KLHL1: variants seen among roughly 807,000 people sequenced by gnomAD.
KLHL1 encodes kelch like family member 1.
KLHL1 carries 47 observed loss-of-function variants against 77.7 expected under a neutral mutation model. That is an observed-to-expected ratio of 0.60 (90% CI 0.48 to 0.77). KLHL1 has a LOEUF of 0.77. Among genes scored for constraint, KLHL1 ranks in the 30% least tolerant of loss-of-function variants. The probability of loss-of-function intolerance (pLI) is 0.00; values close to 1 mark genes in which losing one functional copy is unlikely to be tolerated. For synonymous variants in KLHL1, 360 were observed against 325.2 expected (o/e 1.11, Z -1.15); for missense variants, 925 against 910.8 (o/e 1.02, Z -0.20).
At position 69,997,952 on chromosome 13, in the gene KLHL1, T is replaced by C. The variant is rs182414612; in HGVS notation, c.498-22150A>G. ...GTCTCTTCGAGATCCTGATTTCAATTCTTTTGGATATATACACAGAAGTGG... is the reference window on the plus strand; with the variant it reads ...GTCTCTTCGAGATCCTGATTTCAATCCTTTTGGATATATACACAGAAGTGG... On this transcript the variant is annotated intron_variant, in intron 1 of 10. Coordinates refer to ENST00000377844, the MANE Select transcript of KLHL1 (RefSeq NM_020866.3). Among the ~76,000 whole-genome samples the C allele has an allele frequency of 2.3e-4, 35 of 151,944 alleles. 1 individual carries two copies. The East Asian group carries it at 5.8e-3, about 25-fold the overall frequency.
intron 1 of KLHL1, among the ~76,000 whole-genome samples, chr13:70,102,485 C>T (rs911175055): frequency 2.0e-5 from 3 of 152,136 alleles, no homozygotes; most frequent in Non-Finnish European, 2.9e-5. Context: ...TCTATTTAAA[C>T]ATTCAAACAC....
At chr13:70,095,555 T>C (rs1887768653) in intron 1 of KLHL1, among the ~76,000 whole-genome samples, 1 of 152,166 alleles carries the variant, frequency 6.6e-6, no homozygotes, top group Non-Finnish European at 1.5e-5. Flanking sequence ...TTGTTATGGA[T>C]ACATGACAGT....
rs538600869 is a variant in KLHL1 at position 69,832,061 on chromosome 13, C to G, written c.1414+6915G>C. Among the ~76,000 whole-genome samples, 2 of 149,818 alleles carry G rather than the reference C, an allele frequency of 1.3e-5. 1 individual carries two copies. Among genetic ancestry groups the G allele is most frequent in the African/African-American group, 5.0e-5 (2 of 39,880 alleles). On this transcript the variant is annotated intron_variant, in intron 6 of 10. Coordinates refer to ENST00000377844, the MANE Select transcript of KLHL1 (RefSeq NM_020866.3). ...AACAAGGCAAGGATGCCCATTTTTA[C>G]CACTTGGATTCAACATAATACTGGA...
chr13:69,806,473 A>T (rs563957445), intron 6 of KLHL1, among the ~76,000 whole-genome samples: 1 of 152,180 alleles, frequency 6.6e-6, no homozygotes, highest in African/African-American at 2.4e-5. Flanking sequence ...CTAGGAGAGA[A>T]CACTTGGATT....
chr13:69,791,277 C>G (rs375922691), intron 7 of KLHL1, among the ~76,000 whole-genome samples: 10 of 151,730 alleles, frequency 6.6e-5, no homozygotes, highest in African/African-American at 2.4e-4. Context: ...AAAATAGGTA[C>G]AAGACTAGGG....
At chr13:69,791,988 C>T (rs191639077) in intron 7 of KLHL1, among the ~76,000 whole-genome samples, 1 of 152,184 alleles carries the variant, frequency 6.6e-6, no homozygotes, top group African/African-American at 2.4e-5. Flanking sequence ...TGCAGAGCGT[C>T]AGGAGAAATA....
intron 7 of KLHL1, among the ~76,000 whole-genome samples, chr13:69,761,532 TATATATAAGGTTGG>T: frequency 6.6e-6 from 1 of 152,238 alleles, no homozygotes; most frequent in African/African-American, 2.4e-5. Context: ...CATTTAACAG[TATATATAAGGTTGG>T]TGGACAATAA....
At chr13:69,744,235 G>C (rs1384302042) in intron 7 of KLHL1, among the ~76,000 whole-genome samples, 3 of 152,084 alleles carry the variant, frequency 2.0e-5, no homozygotes, top group Non-Finnish European at 4.4e-5. Context: ...AGATAGGTGA[G>C]AGAAAAATCA....
intron 6 of KLHL1, among the ~76,000 whole-genome samples, chr13:69,828,712 C>G (rs531989801): frequency 6.7e-6 from 1 of 150,270 alleles, no homozygotes; most frequent in South Asian, 2.1e-4. Flanking sequence ...CAGGCTGATG[C>G]TGGGACAAGG....
intron 5 of KLHL1, among the ~76,000 whole-genome samples, chr13:69,842,731 C>CA (rs1215909852): frequency 2.0e-5 from 3 of 151,810 alleles, no homozygotes; most frequent in Non-Finnish European, 4.4e-5. Flanking sequence ...AGGATACTTG[C>CA]ATTCACATGT....
At chr13:69,763,411 C>T (rs1444695713) in intron 7 of KLHL1, among the ~76,000 whole-genome samples, 1 of 152,160 alleles carries the variant, frequency 6.6e-6, no homozygotes, top group Non-Finnish European at 1.5e-5. Context: ...TCTAAACTCT[C>T]GATATTATCT....
intron 6 of KLHL1, among the ~76,000 whole-genome samples, chr13:69,807,202 T>C (rs750483076): frequency 1.3e-5 from 2 of 152,128 alleles, no homozygotes; most frequent in Non-Finnish European, 2.9e-5. Context: ...CCAGTTGTAA[T>C]TGGACTGCAC....
chr13:69,938,193 T>C (rs1366705415), intron 4 of KLHL1, among the ~76,000 whole-genome samples: 2 of 152,046 alleles, frequency 1.3e-5, no homozygotes, highest in African/African-American at 4.8e-5. Flanking sequence ...GAAGGGACAA[T>C]ATAGATCTGG....
At chr13:69,879,296 A>T (rs1250840688) in intron 5 of KLHL1, among the ~76,000 whole-genome samples, 2 of 152,176 alleles carry the variant, frequency 1.3e-5, no homozygotes, top group Non-Finnish European at 2.9e-5. Context: ...ACTCTCATTT[A>T]TGCTATAATA....
chr13:69,992,961 CTCAGCTGAAATT>C, intron 1 of KLHL1, among the ~76,000 whole-genome samples: 1 of 151,566 alleles, frequency 6.6e-6, no homozygotes, highest in Non-Finnish European at 1.5e-5. Context: ...GTGTCAGTAA[CTCAGCTGAAATT>C]TTAAAATCAT....
At chr13:69,985,070 C>T (rs571346329) in intron 1 of KLHL1, among the ~76,000 whole-genome samples, 66 of 152,200 alleles carry the variant, frequency 4.3e-4, no homozygotes, top group African/African-American at 1.6e-3. Flanking sequence ...CGAGATTGCA[C>T]CACTGCACTA....
chr13:70,069,905 A>C (rs1887100187), intron 1 of KLHL1, among the ~76,000 whole-genome samples: 1 of 152,048 alleles, frequency 6.6e-6, no homozygotes, highest in South Asian at 2.1e-4. Context: ...ACGGTGGCTC[A>C]TGCCTGTAAT....
chr13:69,917,516 A>T (rs905636449), intron 4 of KLHL1, among the ~76,000 whole-genome samples: 3 of 152,174 alleles, frequency 2.0e-5, no homozygotes, highest in Admixed American at 6.5e-5. Context: ...ACTCAGTAAC[A>T]GGAACAAGAA....
At chr13:70,092,730 G>T (rs776900881) in intron 1 of KLHL1, among the ~76,000 whole-genome samples, 3 of 152,024 alleles carry the variant, frequency 2.0e-5, no homozygotes, top group Non-Finnish European at 2.9e-5. Context: ...AAGAGAAATT[G>T]CTCATGTTTT....
Sources: gnomAD v4.1 joint callset for allele counts (sites outside exome capture counted in the v4.1 genomes callset) on GRCh38, gnomAD v4.1.1 for gene constraint, MANE v1.5 for transcripts, NCBI Gene and HGNC (gene_info 2026-07-23, HGNC 2026-07-21) for gene names.